C1orf94: variants seen among roughly 807,000 people sequenced by gnomAD.
C1orf94 encodes chromosome 1 open reading frame 94.
A neutral mutation model predicts 53.6 loss-of-function variants in C1orf94; 45 were observed. That is an observed-to-expected ratio of 0.84 (90% confidence interval 0.66 to 1.08). The LOEUF is 1.08. Ranked by LOEUF, C1orf94 falls within the 50% of genes least tolerant of loss-of-function variation. The pLI is 0.00. For synonymous variants in C1orf94, 304 were observed against 296.1 expected (o/e 1.03, Z -0.27); for missense variants, 762 against 738.9 (o/e 1.03, Z -0.36).
At chr1:34,216,335 A>G (rs1295014843) in intron 6 of C1orf94, among the ~76,000 whole-genome samples, 1 of 152,216 alleles carries the variant, frequency 6.6e-6, no homozygotes, top group Admixed American at 6.5e-5. Context: ...GACTTCCAGC[A>G]TGTAGAGGCT....
chr1:34,176,341 C>T (rs1273499613), upstream of C1orf94, among the ~76,000 whole-genome samples: 1 of 152,170 alleles, frequency 6.6e-6, no homozygotes. Flanking sequence ...CCCTGACTCT[C>T]GGAACCAGAA....
intron 1 of C1orf94, among the ~76,000 whole-genome samples, chr1:34,186,656 C>A (rs1642388938): frequency 6.6e-6 from 1 of 152,186 alleles, no homozygotes; most frequent in Non-Finnish European, 1.5e-5. Flanking sequence ...TGGGATAGAT[C>A]TTTTGAGGAC....
Position 34,179,731 on chromosome 1 carries a change from T to TTTG in C1orf94, c.320+1640_320+1642dup, listed in dbSNP as rs572201275. Among the ~76,000 whole-genome samples, 60 of 152,120 alleles carry TTTG rather than the reference T, an allele frequency of 3.9e-4. No individual in the cohort carries two copies. In the East Asian group the frequency reaches 4.1e-3, roughly 10 times the overall value. On this transcript the variant is annotated intron_variant, in intron 1 of 6. Coordinates refer to ENST00000488417, the MANE Select transcript of C1orf94 (RefSeq NM_001134734.2). ...TAACATGTACTTCTTCAGGTTGGGATTTGTTGTTGTTGTTGTTGTTTTTGT... is the reference window on the plus strand; with the variant it reads ...TAACATGTACTTCTTCAGGTTGGGATTTGTTGTTGTTGTTGTTGTTGTTTTTGT...
intron 1 of C1orf94, among the ~76,000 whole-genome samples, chr1:34,195,551 T>C (rs1642565529): frequency 6.6e-6 from 1 of 152,048 alleles, no homozygotes; most frequent in African/African-American, 2.4e-5. Context: ...CATTCCCATG[T>C]CTTTAGTACA....
At chr1:34,190,993 G>A (rs1642472290) in intron 1 of C1orf94, among the ~76,000 whole-genome samples, 3 of 152,168 alleles carry the variant, frequency 2.0e-5, no homozygotes, top group Admixed American at 6.5e-5. Flanking sequence ...CCAAGCATCT[G>A]CACTTAGCTA....
Position 34,197,397 on chromosome 1 carries a change from C to T in C1orf94, c.493C>T (p.Pro165Ser). Residue 165 changes from proline (P) to serine (S), a missense_variant, in exon 2 of 7, where the codon CCT becomes TCT. Pro to Ser is a moderately conservative substitution (Grantham distance 74). Transcript: ENST00000488417. The surrounding 1 kb of genome is among the most constrained non-coding windows in gnomAD (Gnocchi z 4.1). ...GCTGGCTCCCTGCATTCTTGCCCCT[C>T]CTCTAGTGGCAGGCAGTAATGAGCG... ...RELAPCILAPPLVAGSNERPR... is the reference protein window; with the variant it reads ...RELAPCILAPSLVAGSNERPR... 1 of 1,613,844 alleles carries T rather than the reference C, an allele frequency of 6.2e-7. No homozygotes were observed. The highest frequency in any genetic ancestry group is 8.5e-7 in the Non-Finnish European group (1 of 1,179,802).
intron 1 of C1orf94, among the ~76,000 whole-genome samples, chr1:34,196,457 G>A (rs552884870): frequency 1.4e-4 from 22 of 152,242 alleles, no homozygotes; most frequent in African/African-American, 3.4e-4. Context: ...GGCTGTGATC[G>A]GGTCAGAGGC....
intron 1 of C1orf94, among the ~76,000 whole-genome samples, chr1:34,186,697 C>T (rs187162944): frequency 3.9e-4 from 59 of 152,330 alleles, no homozygotes; most frequent in African/African-American, 1.3e-3. Flanking sequence ...TTAAAATCAG[C>T]TCTCTTCTTG....
chr1:34,183,910 C>A (rs1642347152), intron 1 of C1orf94, among the ~76,000 whole-genome samples: 1 of 151,336 alleles, frequency 6.6e-6, no homozygotes, highest in Admixed American at 6.6e-5. Flanking sequence ...GAAAAAAATA[C>A]AATGGTGGAA....
intron 1 of C1orf94, among the ~76,000 whole-genome samples, chr1:34,196,415 G>A (rs1642581577): frequency 6.6e-6 from 1 of 152,138 alleles, no homozygotes; most frequent in African/African-American, 2.4e-5. Flanking sequence ...CCCCACTGCT[G>A]GTGCTGTACA....
intron 1 of C1orf94, among the ~76,000 whole-genome samples, chr1:34,182,688 C>T (rs747914034): frequency 7.9e-5 from 12 of 152,178 alleles, no homozygotes; most frequent in East Asian, 1.9e-4. Flanking sequence ...CTCTGCTTCA[C>T]GCACGAGTTC....
chr1:34,217,728 T>C (rs554332631), intron 6 of C1orf94, among the ~76,000 whole-genome samples: 1 of 152,334 alleles, frequency 6.6e-6, no homozygotes, highest in East Asian at 1.9e-4. Context: ...CTATTTCCAT[T>C]GCTTCTTCCC....
At chr1:34,210,488 G>A (rs1449902909) in intron 5 of C1orf94, among the ~76,000 whole-genome samples, 1 of 152,186 alleles carries the variant, frequency 6.6e-6, no homozygotes, top group African/African-American at 2.4e-5. Context: ...CAACTCAGAC[G>A]CTGGAAACAC....
At chr1:34,212,163 G>A (rs540440943) in intron 5 of C1orf94, 47 bp from the exon 6 acceptor site, 1 of 1,539,284 alleles carries the variant, frequency 6.5e-7, no homozygotes, top group Non-Finnish European at 8.8e-7. Context: ...GGTTAGAGTT[G>A]GGCTGGGGAA....
intron 3 of C1orf94, among the ~76,000 whole-genome samples, chr1:34,201,256 T>G (rs1415395494): frequency 6.6e-6 from 1 of 152,216 alleles, no homozygotes; most frequent in African/African-American, 2.4e-5. Flanking sequence ...ACGTCAGCAT[T>G]ATTAATGGTC....
At position 34,214,484 on chromosome 1, in the gene C1orf94, G is replaced by C. The variant is rs188541603; in HGVS notation, c.1721+2078G>C. On this transcript the variant is annotated intron_variant, in intron 6 of 6. Coordinates refer to ENST00000488417, the MANE Select transcript of C1orf94 (RefSeq NM_001134734.2). ...CTAGAGGTGGCTCTAGGGGCCTATG[G>C]GACAGATTATCATCCCCTGGAGGTG... Among the ~76,000 whole-genome samples the C allele has an allele frequency of 2.3e-3, 351 of 152,194 alleles. 4 individuals are homozygous for C. Among genetic ancestry groups the C allele is most frequent in the Middle Eastern group, 0.014 (4 of 294 alleles).
At chr1:34,173,407 G>A (rs1642176401), upstream of C1orf94, among the ~76,000 whole-genome samples, 1 of 152,174 alleles carries the variant, frequency 6.6e-6, no homozygotes, top group Non-Finnish European at 1.5e-5. Flanking sequence ...TATGATGATT[G>A]TAAAAGAGCC....
At chr1:34,185,802 C>T (rs977644565) in intron 1 of C1orf94, among the ~76,000 whole-genome samples, 1 of 152,252 alleles carries the variant, frequency 6.6e-6, no homozygotes, top group African/African-American at 2.4e-5. Flanking sequence ...CATGGCTCGC[C>T]TTGTCCTCTG....
intron 1 of C1orf94, among the ~76,000 whole-genome samples, chr1:34,180,404 G>C (rs1471513502): frequency 6.6e-6 from 1 of 152,188 alleles, no homozygotes; most frequent in Non-Finnish European, 1.5e-5. Flanking sequence ...CTATCACTGA[G>C]TTTCAATAAT....
Sources: allele counts gnomAD v4.1 joint callset (sites outside exome capture counted in the v4.1 genomes callset), GRCh38; gene constraint gnomAD v4.1.1; non-coding constraint Gnocchi (gnomAD v3.1); transcripts MANE v1.5; gene names NCBI Gene and HGNC (gene_info 2026-07-23, HGNC 2026-07-21).